The following CACNA1E variants were observed in gnomAD, a reference collection of about 807,000 sequenced individuals.
CACNA1E encodes the protein voltage-dependent R-type calcium channel subunit alpha-1E.
In CACNA1E, 40 loss-of-function variants were observed where a neutral mutation model predicts 259.2. The observed-to-expected ratio is 0.15, with a 90% confidence interval of 0.12 to 0.20. CACNA1E has a LOEUF of 0.20. Among genes scored for constraint, CACNA1E ranks in the 10% least tolerant of loss-of-function variants. The pLI, the probability that CACNA1E is intolerant of heterozygous loss-of-function variation, is 1.00. For missense variants in CACNA1E, 1,874 were observed against 3,040.1 expected (o/e 0.62, Z 9.02); for synonymous variants, 1,104 against 1,138.5 (o/e 0.97, Z 0.61).
chr1:181,547,300 C>T (rs143572019), intron 3 of CACNA1E, among the ~76,000 whole-genome samples: 12 of 152,246 alleles, frequency 7.9e-5, no homozygotes, highest in East Asian at 1.9e-4. Flanking sequence ...CTCTGGCCAC[C>T]GATGCCACCC....
chr1:181,371,514 A>G (rs1352654095), intron 1 of CACNA1E, among the ~76,000 whole-genome samples: 1 of 152,120 alleles, frequency 6.6e-6, no homozygotes, highest in Non-Finnish European at 1.5e-5. Flanking sequence ...AGCTCAAGCA[A>G]TCCTGCCTTG....
At chr1:181,636,228 C>T (rs968590209) in intron 6 of CACNA1E, among the ~76,000 whole-genome samples, 5 of 152,064 alleles carry the variant, frequency 3.3e-5, no homozygotes, top group East Asian at 1.9e-4. Flanking sequence ...AAGAGTGCTG[C>T]GGTCAGACTG....
At chr1:181,698,955 T>C (rs1475268782) in intron 7 of CACNA1E, among the ~76,000 whole-genome samples, 1 of 152,196 alleles carries the variant, frequency 6.6e-6, no homozygotes, top group Non-Finnish European at 1.5e-5. Flanking sequence ...ATATTTAAGC[T>C]GAATATAGTG....
At chr1:181,715,474 A>C in intron 9 of CACNA1E, 83 bp downstream of exon 9, 1 of 731,950 alleles carries the variant, frequency 1.4e-6, no homozygotes, top group Non-Finnish European at 2.4e-6. Context: ...AAAGGAGAGA[A>C]AGAAATGAAA....
At chr1:181,331,565 A>G (rs1557917594) in intron 1 of CACNA1E, among the ~76,000 whole-genome samples, 1 of 152,144 alleles carries the variant, frequency 6.6e-6, no homozygotes, top group African/African-American at 2.4e-5. Flanking sequence ...CATTAAAGGT[A>G]CGCTTTCCCC....
At position 181,804,939 on chromosome 1, in the gene CACNA1E, C is replaced by A. The variant is rs1374029154; in HGVS notation, c.*6105C>A. The A allele has an allele frequency of 6.7e-6, 1 of 148,382 alleles. No individual in the cohort carries two copies. The highest frequency in any genetic ancestry group is 6.7e-5 in the Admixed American group (1 of 14,948). The allele number at this position is 148,382 out of a possible 1,614,324, so 9.2% of individuals were successfully genotyped here. A position where few individuals can be genotyped will look rare whatever the true frequency, so the allele number is the denominator to read the frequency against. On this transcript the variant is annotated 3_prime_UTR_variant, in exon 48 of 48. Transcript: ENST00000367573. ...TCTCTCTAATTAAAAAAAAAAAAAA[C>A]CTAGGCTTTTTTTTTTCTATCCAGA...
At chr1:181,723,008 C>A (rs1266661886) in intron 16 of CACNA1E, among the ~76,000 whole-genome samples, 3 of 152,144 alleles carry the variant, frequency 2.0e-5, no homozygotes, top group Non-Finnish European at 4.4e-5. Flanking sequence ...CTATGTTCCA[C>A]AACACATAGG....
At chr1:181,605,164 A>T (rs576507144) in intron 6 of CACNA1E, among the ~76,000 whole-genome samples, 51 of 152,174 alleles carry the variant, frequency 3.4e-4, no homozygotes, top group Non-Finnish European at 6.3e-4. Flanking sequence ...TTAGGAGGCA[A>T]TTTCGGAGGA....
chr1:181,464,339 G>GT (rs397943865), intron 2 of CACNA1E, among the ~76,000 whole-genome samples: 61,271 of 148,022 alleles, frequency 0.41, 13,943 homozygotes, highest in African/African-American at 0.64. Context: ...TTCGTTTTTT[G>GT]TTTTTTTTTT....
At chr1:181,704,367 C>T (rs1652581125) in intron 7 of CACNA1E, among the ~76,000 whole-genome samples, 2 of 152,198 alleles carry the variant, frequency 1.3e-5, no homozygotes, top group African/African-American at 2.4e-5. Flanking sequence ...AATGAAACCA[C>T]TGCCAACACA....
chr1:181,603,135 A>G (rs1325975711), intron 6 of CACNA1E, among the ~76,000 whole-genome samples: 1 of 152,196 alleles, frequency 6.6e-6, no homozygotes, highest in East Asian at 1.9e-4. Flanking sequence ...CCTTGCTTAT[A>G]TCCTTGGGGA....
rs571865618 is a variant in CACNA1E, at chr1:181,492,616, C to T, written c.266+8606C>T. 2.6e-5 allele frequency among the ~76,000 whole-genome samples: 4 copies of T among 152,276 alleles called. No individual in the cohort carries two copies. In the East Asian group the frequency reaches 5.8e-4, roughly 22 times the overall value. On this transcript the variant is annotated intron_variant, in intron 1 of 47. Transcript: ENST00000367573. ...GCTTTAGATTTACTGGGCAAGTTCC[C>T]CAGCTGGTAAGCTGGTATCACATCT...
chr1:181,686,283 T>TTTTTTTTTGTTG (rs1553321333), intron 7 of CACNA1E, among the ~76,000 whole-genome samples: 23 of 122,764 alleles, frequency 1.9e-4, no homozygotes, highest in Admixed American at 5.3e-4. Context: ...AAGTTTTTTT[T>TTTTTTTTTGTTG]TTTTTTTTTT....
upstream of CACNA1E, among the ~76,000 whole-genome samples, chr1:181,482,760 G>A (rs1363944192): frequency 1.3e-5 from 2 of 152,270 alleles, no homozygotes; most frequent in African/African-American, 4.8e-5. Flanking sequence ...GGACAAGTGT[G>A]GTGCCAGGCC....
At chr1:181,399,830 T>C (rs1200418810) in intron 1 of CACNA1E, among the ~76,000 whole-genome samples, 1 of 152,276 alleles carries the variant, frequency 6.6e-6, no homozygotes, top group Non-Finnish European at 1.5e-5. Flanking sequence ...AGGAATTTAC[T>C]GTTAAAATAG....
chr1:181,774,098 T>G (rs2102782909), intron 37 of CACNA1E, among the ~76,000 whole-genome samples: 1 of 152,298 alleles, frequency 6.6e-6, no homozygotes, highest in East Asian at 1.9e-4. Flanking sequence ...AATTCTGTCC[T>G]TGAAGGGTGA....
At chr1:181,678,415 C>T (rs991221169) in intron 7 of CACNA1E, among the ~76,000 whole-genome samples, 2 of 152,142 alleles carry the variant, frequency 1.3e-5, no homozygotes, top group African/African-American at 4.8e-5. Flanking sequence ...GGAGCAGTAG[C>T]AATGGGCTAT....
At chr1:181,677,544 A>G (rs1408118307) in intron 7 of CACNA1E, among the ~76,000 whole-genome samples, 1 of 152,214 alleles carries the variant, frequency 6.6e-6, no homozygotes, top group African/African-American at 2.4e-5. Flanking sequence ...TTCATAGTAC[A>G]CTTGGCTAGT....
chr1:181,784,978 C>T (rs895343363), intron 41 of CACNA1E, among the ~76,000 whole-genome samples: 5 of 152,162 alleles, frequency 3.3e-5, no homozygotes, highest in African/African-American at 9.7e-5. Context: ...CTCTCTCCCT[C>T]CATATAATAC....
Sources: gnomAD v4.1 joint callset for allele counts (sites outside exome capture counted in the v4.1 genomes callset) on GRCh38, gnomAD v4.1.1 for gene constraint, MANE v1.5 for transcripts, NCBI Gene and HGNC (gene_info 2026-07-23, HGNC 2026-07-21) for gene names.